MSH6: variants seen among roughly 807,000 people sequenced by gnomAD.
The protein encoded by MSH6 is mutS homolog 6.
MSH6 carries 85 observed loss-of-function variants against 119.1 expected under a neutral mutation model. That is an observed-to-expected ratio of 0.71 (90% CI 0.60 to 0.85). The LOEUF is 0.85. Among genes scored for constraint, MSH6 ranks in the 40% least tolerant of loss-of-function variants. The pLI is 0.00. For synonymous variants in MSH6, 830 were observed against 586.9 expected, an observed-to-expected ratio of 1.41 and a Z score of -5.99; for missense variants, 2,163 against 1,655.3, an observed-to-expected ratio of 1.31 and a Z score of -5.32.
At chr2:47,798,094 T>C in intron 3 of MSH6, 1 of 196,298 alleles carries the variant, frequency 5.1e-6, no homozygotes, top group Non-Finnish European at 1.1e-5. Flanking sequence ...AGTCCAGAGA[T>C]TTTTTTTCCA....
downstream of MSH6, chr2:47,809,697 A>C: frequency 6.2e-7 from 1 of 1,611,412 alleles, no homozygotes. Context: ...CGTGATTTGT[A>C]ATTTCAATAC....
chr2:47,798,945 C>T lies in MSH6; in HGVS notation c.962C>T (p.Ser321Leu), dbSNP rs1472853525. The change falls in exon 4 of 10, where the codon TCA becomes TTA. Residue 321 changes from serine to leucine, a missense_variant. Ser to Leu is a moderately radical substitution (Grantham distance 145). Transcript: ENST00000234420. ...KRKSSRKETP[S>L]ATKQATSISS... ...AAAAGCTCTAGGAAGGAAACGCCCT[C>T]AGCCACCAAACAAGCAACTAGCATT... The T allele has an allele frequency of 1.2e-6, 2 of 1,614,198 alleles. No individual in the cohort carries two copies. Among genetic ancestry groups the T allele is most frequent in the Non-Finnish European group, 1.7e-6 (2 of 1,180,044 alleles).
At chr2:47,796,136 C>G (rs1669076101) in intron 3 of MSH6, 73 bp downstream of exon 3, 7 of 1,475,276 alleles carry the variant, frequency 4.7e-6, no homozygotes, top group Non-Finnish European at 6.6e-6. Context: ...GGTGTATTAA[C>G]AAGATACCTT....
chr2:47,789,396 C>G, intron 1 of MSH6: 1 of 456,038 alleles, frequency 2.2e-6, no homozygotes, highest in Non-Finnish European at 4.5e-6. Context: ...TTGGATCCAG[C>G]TTTTCACACA....
At chr2:47,785,932 A>T (rs1425968604) in intron 1 of MSH6, among the ~76,000 whole-genome samples, 3 of 152,240 alleles carry the variant, frequency 2.0e-5, no homozygotes, top group Non-Finnish European at 4.4e-5. Flanking sequence ...GGTATTCAAG[A>T]AAGATGGGCA....
chr2:47,783,155 C>G lies in MSH6; in HGVS notation c.-79C>G, dbSNP rs1668101634. On this transcript the variant is annotated 5_prime_UTR_variant, in exon 1 of 10. Transcript: ENST00000234420. ...AGCGCGCCTCCCCCCAGATTTCCCG[C>G]CAGCAGGAGCCGCGCGGTAGATGCG... 6 of 1,582,306 alleles carry G rather than the reference C, an allele frequency of 3.8e-6. No homozygotes were observed. The East Asian group carries it at 1.2e-4, about 31-fold the overall frequency.
chr2:47,801,178 T>C (rs1415171791), intron 4 of MSH6, 23 bp downstream of exon 4: 2 of 1,605,324 alleles, frequency 1.2e-6, no homozygotes, highest in African/African-American at 2.7e-5. Flanking sequence ...ACAAGCTTGT[T>C]CTCAGGCTTT....
chr2:47,798,090 G>A, intron 3 of MSH6: 1 of 201,110 alleles, frequency 5.0e-6, no homozygotes, highest in Admixed American at 4.7e-5. Flanking sequence ...AGCAAGTCCA[G>A]AGATTTTTTT....
intron 4 of MSH6, among the ~76,000 whole-genome samples, chr2:47,802,389 A>G (rs1208366120): frequency 6.6e-6 from 1 of 152,032 alleles, no homozygotes; most frequent in African/African-American, 2.4e-5. Flanking sequence ...CTGGAGTACA[A>G]TGGGATGACT....
At chr2:47,785,289 G>A (rs1212137111) in intron 1 of MSH6, among the ~76,000 whole-genome samples, 1 of 152,128 alleles carries the variant, frequency 6.6e-6, no homozygotes, top group African/African-American at 2.4e-5. Context: ...GTGCTGTGGC[G>A]CTTTCTCGGC....
In MSH6 at chr2:47,806,761, T is replaced by C. The variant is rs1553333928; in HGVS notation, c.4002-18T>C. The stretch of plus-strand genomic sequence containing the variant: ...GAAAAAACAAAAAAACTTTTTTTTT[T>C]TTTTTTTTAATTTTAAGGGAAGTTT... On this transcript the variant is annotated intron_variant, in intron 9 of 9. Coordinates refer to ENST00000234420, the MANE Select transcript of MSH6 (RefSeq NM_000179.3). The C allele has an allele frequency of 6.3e-7, 1 of 1,580,930 alleles. No individual in the cohort carries two copies. The highest frequency in any genetic ancestry group is 8.6e-7 in the Non-Finnish European group (1 of 1,164,874).
rs1057520323 is a variant in MSH6, at chr2:47,799,820, T to C, written c.1837T>C (p.Leu613=). Reference sequence around the variant, plus strand: ...AACTAAAACAATTCTAAAGAGTTCATTGTCCTGTTCTCTTCAGGAAGGTCT... The same window carrying C: ...AACTAAAACAATTCTAAAGAGTTCACTGTCCTGTTCTCTTCAGGAAGGTCT... ...KETKTILKSS[L]SCSLQEGLIP... The change falls in exon 4 of 10, where the codon TTG becomes CTG. Residue 613 remains leucine (L), a synonymous_variant. Transcript: ENST00000234420. The C allele has an allele frequency of 6.2e-7, 1 of 1,614,232 alleles. No individual in the cohort carries two copies. Among genetic ancestry groups the C allele is most frequent in the African/African-American group, 1.3e-5 (1 of 75,072 alleles).
At chr2:47,788,904 TTCCTTTTTTTTTTTTTTG>T (rs1280863863) in intron 1 of MSH6, among the ~76,000 whole-genome samples, 113 of 10,500 alleles carry the variant, frequency 0.011, 6 homozygotes, top group Non-Finnish European at 0.015. Context: ...TTCTTTCTTC[TTCCTTTTTTTTTTTTTTG>T]TTTTTTTTTT....
rs2104581011 is a variant in MSH6, at chr2:47,806,796, G to C, written c.4019G>C (p.Ser1340Thr). The C allele has an allele frequency of 6.2e-7, 1 of 1,600,642 alleles. No homozygotes were observed. The highest frequency in any genetic ancestry group is 1.1e-5 in the South Asian group (1 of 89,378). ...ATTTTAAGGGAAGTTTGCCTGGCTA[G>C]TGAAAGGTCAACTGTAGATGCTGAA... ...LRLFREVCLA[S>T]ERSTVDAEAV... The change falls in exon 10 of 10, where the codon AGT becomes ACT. Residue 1340 changes from serine (S) to threonine (T), a missense_variant. Transcript: ENST00000234420.
intron 1 of MSH6, among the ~76,000 whole-genome samples, chr2:47,785,928 C>G (rs1572701792): frequency 6.6e-6 from 1 of 152,158 alleles, no homozygotes; most frequent in Non-Finnish European, 1.5e-5. Flanking sequence ...CCAGGGTATT[C>G]AAGAAAGATG....
chr2:47,789,524 A>T, intron 1 of MSH6: 1 of 426,832 alleles, frequency 2.3e-6, no homozygotes, highest in Non-Finnish European at 4.7e-6. Flanking sequence ...TTAAAGCATG[A>T]GACCTCATAC....
Position 47,790,941 on chromosome 2 carries a change from C to T in MSH6, c.275C>T (p.Pro92Leu), listed in dbSNP as rs1257646433. ...TTTGGCAACAGTTGTGACTTCTCAC[C>T]AGGAGATTTGGTTTGGGCCAAGATG... is the stretch of plus-strand genomic sequence containing the variant. ...PAAPTSCDFS[P>L]GDLVWAKMEG... Residue 92 changes from proline to leucine, a missense_variant, in exon 2 of 10, where the codon CCA becomes CTA. Physicochemically the swap from Pro to Leu is moderately conservative, Grantham distance 98. Coordinates refer to ENST00000234420, the MANE Select transcript of MSH6 (RefSeq NM_000179.3). 2.5e-6 allele frequency: 4 copies of T among 1,614,090 alleles called. No individual in the cohort carries two copies. The highest frequency in any genetic ancestry group is 3.4e-6 in the Non-Finnish European group (4 of 1,180,014).
downstream of MSH6, chr2:47,809,266 T>A (rs931220950): frequency 6.5e-7 from 1 of 1,535,558 alleles, no homozygotes; most frequent in Non-Finnish European, 8.9e-7. Flanking sequence ...TATTTTGTTA[T>A]CTGTAATAAA....
intron 5 of MSH6, among the ~76,000 whole-genome samples, chr2:47,803,973 G>C (rs780637409): frequency 6.6e-6 from 1 of 152,222 alleles, no homozygotes; most frequent in Non-Finnish European, 1.5e-5. Context: ...TATATTCATA[G>C]TGAACAAAAA....
Sources: gnomAD v4.1 joint callset for allele counts (sites outside exome capture counted in the v4.1 genomes callset) on GRCh38, gnomAD v4.1.1 for gene constraint, MANE v1.5 for transcripts, NCBI Gene and HGNC (gene_info 2026-07-23, HGNC 2026-07-21) for gene names.